The following CCDC50 variants were observed in gnomAD, a reference collection of about 807,000 sequenced individuals.
CCDC50 encodes the protein coiled-coil domain containing 50.
CCDC50 carries 54 observed loss-of-function variants against 70.2 expected under a neutral mutation model. The observed-to-expected ratio is 0.77, with a 90% confidence interval of 0.62 to 0.96. The LOEUF (loss-of-function observed/expected upper bound fraction) is 0.96, where lower values mean the gene tolerates loss of function less well. Ranked by LOEUF, CCDC50 falls within the 50% of genes least tolerant of loss-of-function variation. The probability of loss-of-function intolerance (pLI) is 0.00; values close to 1 mark genes in which losing one functional copy is unlikely to be tolerated. For missense variants in CCDC50, 558 were observed against 578.7 expected (o/e 0.96, Z 0.37); for synonymous variants, 216 against 198.8 (o/e 1.09, Z -0.73).
chr3:191,374,914 CT>C, intron 5 of CCDC50, 147 bp from the exon 6 acceptor site: 1 of 791,634 alleles, frequency 1.3e-6, no homozygotes, highest in Non-Finnish European at 2.1e-6. Flanking sequence ...TGCTCATCCC[CT>C]CTTCTCAATT....
In CCDC50 at chr3:191,375,217, A is replaced by G. The variant is rs150340096; in HGVS notation, c.604A>G (p.Arg202Gly). 3.7e-6 allele frequency: 6 copies of G among 1,613,882 alleles called. No homozygotes were observed. Among genetic ancestry groups the G allele is most frequent in the Admixed American group, 1.7e-5 (1 of 59,976 alleles). The change falls in exon 6 of 12, where the codon AGA becomes GGA. Residue 202 changes from arginine (R) to glycine (G), a missense_variant. Transcript: ENST00000392455. The part of the protein sequence containing the change: ...EEPEQHCSSK[R>G]SLSSSSSGKG... ...GCCAGAACAACATTGTTCATCGAAG[A>G]GATCCCTGTCATCCTCTAGCTCGGG...
chr3:191,362,570 A>G (rs1202466158), intron 4 of CCDC50, among the ~76,000 whole-genome samples: 1 of 152,248 alleles, frequency 6.6e-6, no homozygotes, highest in Non-Finnish European at 1.5e-5. Flanking sequence ...TAGTTGGATA[A>G]CAATATGGTT....
At chr3:191,374,979 G>A in intron 5 of CCDC50, 83 bp from the exon 6 acceptor site, 1 of 1,396,098 alleles carries the variant, frequency 7.2e-7, no homozygotes, top group Non-Finnish European at 1.0e-6. Flanking sequence ...CTGGAGCCCA[G>A]ACTCCCCCCT....
At chr3:191,389,944 T>G (rs1713627137) in intron 11 of CCDC50, among the ~76,000 whole-genome samples, 1 of 131,680 alleles carries the variant, frequency 7.6e-6, no homozygotes, top group African/African-American at 2.9e-5. Flanking sequence ...CTCTACAGCC[T>G]CCACCACCTG....
intron 3 of CCDC50, 61 bp from the exon 4 acceptor site, chr3:191,361,008 A>G (rs1712467452): frequency 1.8e-6 from 2 of 1,116,720 alleles, no homozygotes; most frequent in Non-Finnish European, 2.7e-6. Context: ...TGTATTTATT[A>G]CTTTTAGGAA....
intron 4 of CCDC50, among the ~76,000 whole-genome samples, chr3:191,369,270 T>C (rs950010127): frequency 6.6e-6 from 1 of 152,214 alleles, no homozygotes; most frequent in African/African-American, 2.4e-5. Context: ...ATTTACAATT[T>C]AATTTTATTG....
chr3:191,335,218 T>A (rs1447460804), intron 1 of CCDC50, among the ~76,000 whole-genome samples: 1 of 152,184 alleles, frequency 6.6e-6, no homozygotes, highest in South Asian at 2.1e-4. Context: ...AAGTAAATGC[T>A]GCTTGAAATC....
At chr3:191,372,172 G>A (rs73185228) in intron 5 of CCDC50, among the ~76,000 whole-genome samples, 13,857 of 152,046 alleles carry the variant, frequency 0.091, 691 homozygotes, top group East Asian at 0.24. Context: ...TGGTTTTTCA[G>A]GGACACATAA....
At chr3:191,329,823 C>A in intron 1 of CCDC50, 100 bp downstream of exon 1, 7 of 1,242,138 alleles carry the variant, frequency 5.6e-6, no homozygotes, top group Non-Finnish European at 8.0e-6. Context: ...GCGGCCCTCG[C>A]CCGGTGCCCG....
intron 1 of CCDC50, among the ~76,000 whole-genome samples, chr3:191,344,731 A>C (rs1371383239): frequency 6.6e-6 from 1 of 152,018 alleles, no homozygotes; most frequent in African/African-American, 2.4e-5. Flanking sequence ...GGCACATACC[A>C]CCACACCTGG....
chr3:191,376,671 C>T (rs1713124184), intron 6 of CCDC50, among the ~76,000 whole-genome samples: 1 of 152,088 alleles, frequency 6.6e-6, no homozygotes, highest in Non-Finnish European at 1.5e-5. Context: ...CCACAAATAT[C>T]CTTGTCTTAG....
At chr3:191,373,723 AACTT>A (rs1031592190) in intron 5 of CCDC50, among the ~76,000 whole-genome samples, 5 of 152,156 alleles carry the variant, frequency 3.3e-5, no homozygotes, top group African/African-American at 7.2e-5. Flanking sequence ...TGTAAAATAA[AACTT>A]ACCCATAAAT....
At chr3:191,384,922 G>A (rs761970972) in intron 10 of CCDC50, among the ~76,000 whole-genome samples, 2 of 152,088 alleles carry the variant, frequency 1.3e-5, no homozygotes, top group Non-Finnish European at 2.9e-5. Flanking sequence ...ACAATATTTA[G>A]TTTTCTGTTT....
intron 10 of CCDC50, among the ~76,000 whole-genome samples, chr3:191,387,555 T>G (rs903021654): frequency 1.3e-5 from 2 of 152,064 alleles, no homozygotes; most frequent in Admixed American, 6.5e-5. Context: ...AACAGTACCC[T>G]TAAGAGCACT....
chr3:191,362,801 A>T (rs9863255), intron 4 of CCDC50, among the ~76,000 whole-genome samples: 45,470 of 152,110 alleles, frequency 0.3, 6,814 homozygotes, highest in Non-Finnish European at 0.32. Flanking sequence ...CTGGTATGAG[A>T]GTATTGAGTT....
chr3:191,357,046 A>G (rs1490739903), intron 1 of CCDC50, 42 bp from the exon 2 acceptor site: 1 of 1,250,752 alleles, frequency 8.0e-7, no homozygotes, highest in African/African-American at 1.5e-5. Flanking sequence ...TTAAAGTATT[A>G]CTAATGAGCC....
At chr3:191,359,387 A>G (rs531167450) in intron 3 of CCDC50, among the ~76,000 whole-genome samples, 1 of 152,342 alleles carries the variant, frequency 6.6e-6, no homozygotes, top group East Asian at 1.9e-4. Flanking sequence ...AGGCAGAAGT[A>G]GGAAGTGAGG....
intron 1 of CCDC50, among the ~76,000 whole-genome samples, chr3:191,355,031 A>C (rs551756706): frequency 6.6e-6 from 1 of 152,184 alleles, no homozygotes; most frequent in Non-Finnish European, 1.5e-5. Flanking sequence ...TCCAAAACTC[A>C]GGGCTATGAG....
chr3:191,387,297 G>A (rs967231090), intron 10 of CCDC50, among the ~76,000 whole-genome samples: 2 of 152,068 alleles, frequency 1.3e-5, no homozygotes, highest in African/African-American at 4.8e-5. Context: ...ATTTTGAAGT[G>A]AATTATGAAA....
Sources: allele counts gnomAD v4.1 joint callset (sites outside exome capture counted in the v4.1 genomes callset), GRCh38; gene constraint gnomAD v4.1.1; transcripts MANE v1.5; gene names NCBI Gene and HGNC (gene_info 2026-07-23, HGNC 2026-07-21).